The following MYH15 variants were observed in gnomAD, a reference collection of about 807,000 sequenced individuals.
MYH15 encodes myosin-15.
A neutral mutation model predicts 240.5 loss-of-function variants in MYH15; 227 were observed. The ratio of observed to expected loss-of-function variants is 0.94; its 90% CI spans 0.85 to 1.05. The LOEUF is 1.05. Among genes scored for constraint, MYH15 ranks in the 50% least tolerant of loss-of-function variants. The pLI is 0.00. For synonymous variants in MYH15, 785 were observed against 796.7 expected, an observed-to-expected ratio of 0.99 and a Z score of 0.25; for missense variants, 2,217 against 2,247.5, an observed-to-expected ratio of 0.99 and a Z score of 0.27.
chr3:108,444,027 T>G, intron 22 of MYH15, among the ~76,000 whole-genome samples: 1 of 143,050 alleles, frequency 7.0e-6, no homozygotes, highest in African/African-American at 2.6e-5. Flanking sequence ...GGGATAGCAT[T>G]AGGAGATATA....
chr3:108,458,342 C>G (rs972714854), intron 18 of MYH15, among the ~76,000 whole-genome samples: 1 of 152,138 alleles, frequency 6.6e-6, no homozygotes, highest in African/African-American at 2.4e-5. Flanking sequence ...AGAAACCCAG[C>G]TGATAGGAAA....
At chr3:108,541,850 G>T in the MYH15 span, among the ~76,000 whole-genome samples, 3 of 152,076 alleles carry the variant, frequency 2.0e-5, no homozygotes, top group Non-Finnish European at 4.4e-5. Flanking sequence ...ATCATGAAAT[G>T]ATTTCCTAAA....
intron 22 of MYH15, among the ~76,000 whole-genome samples, chr3:108,444,002 G>GA (rs1433607733): frequency 1.6e-3 from 48 of 29,624 alleles, no homozygotes; most frequent in Admixed American, 2.6e-3. Flanking sequence ...CTGTTGTGGG[G>GA]TGGGGGAGGG....
chr3:108,395,390 C>A (rs916511299), intron 35 of MYH15, among the ~76,000 whole-genome samples: 8 of 152,182 alleles, frequency 5.3e-5, no homozygotes, highest in Admixed American at 2.0e-4. Flanking sequence ...GAAAGCCAGG[C>A]CCTGTATACC....
intron 9 of MYH15, among the ~76,000 whole-genome samples, chr3:108,491,999 G>C (rs2083352049): frequency 6.6e-6 from 1 of 151,948 alleles, no homozygotes. Flanking sequence ...CCAGCACTTT[G>C]GGAGGCCAAG....
rs760448341 is a variant in MYH15 at position 108,398,629 on chromosome 3, G to A, written c.5133+8C>T. 8.7e-6 allele frequency: 14 copies of A among 1,612,298 alleles called. No individual in the cohort carries two copies. In the Admixed American group the frequency reaches 1.8e-4, roughly 21 times the overall value. On this transcript the variant is annotated splice_region_variant and intron_variant, in intron 35 of 40. Transcript: ENST00000693548. ...GCCCAGCTAATAGGGAGAGTATATG[G>A]GCCCCACCTGGGTATAGAAAAGATT... is the stretch of plus-strand genomic sequence containing the variant.
intron 25 of MYH15, among the ~76,000 whole-genome samples, chr3:108,436,379 A>C (rs570629666): frequency 6.6e-6 from 1 of 152,204 alleles, no homozygotes; most frequent in African/African-American, 2.4e-5. Context: ...CTAAACACCT[A>C]TTAAGCCCAG....
chr3:108,499,346 C>A (rs1183430710), intron 5 of MYH15, 109 bp downstream of exon 5: 5 of 1,105,376 alleles, frequency 4.5e-6, no homozygotes, highest in Non-Finnish European at 6.8e-6. Context: ...ATCTAAAGGG[C>A]AATTAATTCA....
chr3:108,542,796 C>T, the MYH15 span, among the ~76,000 whole-genome samples: 4 of 151,960 alleles, frequency 2.6e-5, no homozygotes, highest in African/African-American at 4.8e-5. Context: ...GAACATGCAG[C>T]GTTTGGTTTT....
rs1165981033 is a variant in MYH15 at position 108,402,612 on chromosome 3, C to A, written c.4736+2726G>T. On this transcript the variant is annotated intron_variant, in intron 33 of 40. Coordinates refer to ENST00000693548, the MANE Select transcript of MYH15 (RefSeq NM_014981.3). ...CTAGCCTTTCAATCAGTGATCAACCCAAAACAAACAAGCACAGTATGATAG... is the reference window on the plus strand; with the variant it reads ...CTAGCCTTTCAATCAGTGATCAACCAAAAACAAACAAGCACAGTATGATAG... Among the ~76,000 whole-genome samples the A allele has an allele frequency of 2.0e-5, 3 of 152,154 alleles. No homozygotes were observed. The East Asian group carries it at 5.8e-4, about 29-fold the overall frequency.
At chr3:108,540,971 G>T in the MYH15 span, among the ~76,000 whole-genome samples, 1 of 151,788 alleles carries the variant, frequency 6.6e-6, no homozygotes, top group Non-Finnish European at 1.5e-5. Context: ...AATGAACAAT[G>T]ACAAAAAGCT....
chr3:108,452,524 G>A (rs2082982876), intron 21 of MYH15, among the ~76,000 whole-genome samples: 1 of 151,956 alleles, frequency 6.6e-6, no homozygotes, highest in South Asian at 2.1e-4. Context: ...CATTAACATT[G>A]ATATATTTCA....
At chr3:108,488,334 G>T (rs1463023601) in intron 9 of MYH15, among the ~76,000 whole-genome samples, 1 of 152,052 alleles carries the variant, frequency 6.6e-6, no homozygotes, top group Non-Finnish European at 1.5e-5. Context: ...TTGAGGCAGG[G>T]TCTCATTCTG....
At position 108,421,214 on chromosome 3, in the gene MYH15, C is replaced by A. The variant is rs377694016; in HGVS notation, c.3703G>T (p.Ala1235Ser). The change falls in exon 28 of 41, where the codon GCA becomes TCA. Residue 1235 changes from alanine to serine, a missense_variant and splice_region_variant. Physicochemically the swap from Ala to Ser is moderately conservative, Grantham distance 99. Coordinates refer to ENST00000693548, the MANE Select transcript of MYH15 (RefSeq NM_014981.3). The part of the protein sequence containing the change: ...TRVEQMTRAK[A>S]NAEKLCTLYE... ...AGAGTACAGAGTTTCTCAGCATTTGCCTATAAGTTGAGAAAGAAGGGCTGG... is the reference window on the plus strand; with the variant it reads ...AGAGTACAGAGTTTCTCAGCATTTGACTATAAGTTGAGAAAGAAGGGCTGG... The A allele has an allele frequency of 6.2e-7, 1 of 1,611,300 alleles. No individual in the cohort carries two copies. The highest frequency in any genetic ancestry group is 8.5e-7 in the Non-Finnish European group (1 of 1,179,616).
chr3:108,483,990 G>T (rs781497420), intron 11 of MYH15, among the ~76,000 whole-genome samples: 1 of 152,158 alleles, frequency 6.6e-6, no homozygotes, highest in Non-Finnish European at 1.5e-5. Flanking sequence ...AAAAAGTTCT[G>T]GCAGTGGATT....
chr3:108,444,441 T>C (rs1270702242), intron 22 of MYH15, among the ~76,000 whole-genome samples, 199 bp downstream of exon 22: 1 of 152,206 alleles, frequency 6.6e-6, no homozygotes, highest in Non-Finnish European at 1.5e-5. Context: ...TGTCCCTTTT[T>C]AAAAGACATC....
At chr3:108,392,052 C>T (rs1229762358) in intron 36 of MYH15, 122 bp from the exon 37 acceptor site, 2 of 1,068,976 alleles carry the variant, frequency 1.9e-6, no homozygotes, top group African/African-American at 1.6e-5. Context: ...TATGTGATCT[C>T]TTCCCATTAT....
chr3:108,517,321 GAGA>G (rs1409712444), intron 1 of MYH15, among the ~76,000 whole-genome samples: 2 of 152,054 alleles, frequency 1.3e-5, no homozygotes, highest in African/African-American at 2.4e-5. Flanking sequence ...TATTGATCCA[GAGA>G]AGAACTTCTG....
chr3:108,496,410 A>AGG (rs1271066678), intron 6 of MYH15, among the ~76,000 whole-genome samples: 1 of 152,232 alleles, frequency 6.6e-6, no homozygotes, highest in Non-Finnish European at 1.5e-5. Flanking sequence ...TCAGGCTGAT[A>AGG]GGCAAAAACA....
Sources: allele counts gnomAD v4.1 joint callset (sites outside exome capture counted in the v4.1 genomes callset), GRCh38; gene constraint gnomAD v4.1.1; transcripts MANE v1.5; gene names NCBI Gene and HGNC (gene_info 2026-07-23, HGNC 2026-07-21).